Variants in PFKFB2 observed in about 807,000 individuals in gnomAD.
PFKFB2 encodes the protein 6-phosphofructo-2-kinase/fructose-2,6-bisphosphatase 2.
A neutral mutation model predicts 68.0 loss-of-function variants in PFKFB2; 53 were observed. The observed-to-expected ratio is 0.78, with a 90% CI of 0.63 to 0.98. The LOEUF (loss-of-function observed/expected upper bound fraction) is 0.98. PFKFB2 is among the 50% of genes least tolerant of loss of function. The pLI is 0.00. For synonymous variants in PFKFB2, 222 were observed against 227.6 expected (o/e 0.98, Z 0.22); for missense variants, 451 against 642.0 (o/e 0.70, Z 3.22).
At position 207,064,084 on chromosome 1, in the gene PFKFB2, AC is replaced by A. The variant is rs1323985990; in HGVS notation, c.507+257del. The stretch of plus-strand genomic sequence containing the variant: ...AGTAAGAATTAGCTGTTGAATTGAA[AC>A]CAGGGTTTAGGTTGTAGGATTCTTG... On this transcript the variant is annotated intron_variant, in intron 7 of 14. Transcript: ENST00000367080. 3.3e-4 allele frequency among the ~76,000 whole-genome samples: 50 copies of A among 152,230 alleles called. 1 individual carries two copies. The East Asian group carries it at 9.1e-3, about 28-fold the overall frequency.
intron 2 of PFKFB2, chr1:207,044,787 T>C (rs904234608): frequency 3.9e-5 from 6 of 152,506 alleles, no homozygotes; most frequent in African/African-American, 9.7e-5. Context: ...ATCTCTTCTT[T>C]ATCAGTGGTA....
chr1:207,072,490 T>C lies in PFKFB2; in HGVS notation c.*119T>C. On this transcript the variant is annotated 3_prime_UTR_variant, in exon 15 of 15. Transcript: ENST00000367080. ...AACTTCCTCCCTCTATGCCCACCCC[T>C]GACACTTCACCATTAATCTTAACAC... The C allele has an allele frequency of 6.8e-7, 1 of 1,472,922 alleles. No individual in the cohort carries two copies. The allele number at this position is 1,472,922 out of a possible 1,614,324, so 91.2% of individuals were successfully genotyped here.
chr1:207,067,347 C>T, intron 8 of PFKFB2, 152 bp from the exon 9 acceptor site: 1 of 611,184 alleles, frequency 1.6e-6, no homozygotes, highest in African/African-American at 1.8e-5. Flanking sequence ...TAATTAATCT[C>T]CTACCATTTG....
chr1:207,078,637 G>T (rs545138698), downstream of PFKFB2, among the ~76,000 whole-genome samples: 1 of 152,304 alleles, frequency 6.6e-6, no homozygotes, highest in Non-Finnish European at 1.5e-5. Flanking sequence ...TAGCCTACAC[G>T]ATTTCCTTCT....
chr1:207,065,053 C>T lies in PFKFB2; in HGVS notation c.525C>T (p.Ser175=). The change falls in exon 8 of 15, where the codon AGC becomes AGT. Residue 175 remains serine, a synonymous_variant. Coordinates refer to ENST00000367080, the MANE Select transcript of PFKFB2 (RefSeq NM_006212.2). ...AANILEVKVS[S]PDYPERNREN... is the part of the protein sequence containing the mutation. ...GATTTCAGGAGGTTAAGGTATCAAGCCCTGACTATCCTGAAAGGAACAGAG... is the reference window on the plus strand; with the variant it reads ...GATTTCAGGAGGTTAAGGTATCAAGTCCTGACTATCCTGAAAGGAACAGAG... 1.9e-6 allele frequency: 3 copies of T among 1,613,926 alleles called. No individual in the cohort carries two copies. The highest frequency in any genetic ancestry group is 2.5e-6 in the Non-Finnish European group (3 of 1,179,922).
In PFKFB2 at chr1:207,074,136, G is replaced by C; in HGVS notation, c.*1765G>C. 9 of 944,676 alleles carry C rather than the reference G, an allele frequency of 9.5e-6. No individual in the cohort carries two copies. The highest frequency in any genetic ancestry group is 1.8e-5 in the African/African-American group (1 of 56,764). The allele number at this position is 944,676 out of a possible 1,614,324, so 58.5% of individuals were successfully genotyped here. On this transcript the variant is annotated 3_prime_UTR_variant, in exon 15 of 15. Transcript: ENST00000367080. ...CATGCATGTATTTAAGTAGCTTCCCGGATGATTCTGATTCATAGCTCGGGT... is the reference window on the plus strand; with the variant it reads ...CATGCATGTATTTAAGTAGCTTCCCCGATGATTCTGATTCATAGCTCGGGT...
At position 207,035,258 on chromosome 1, in the gene PFKFB2, C is replaced by A. The variant is rs12023977; in HGVS notation, c.-62+786C>A. Reference sequence around the variant, plus strand: ...TTTATGATTTCCTTTCTCAGTACAACCTCCCCACTTAGGCACCTCCCTTCC... The same window carrying A: ...TTTATGATTTCCTTTCTCAGTACAAACTCCCCACTTAGGCACCTCCCTTCC... On this transcript the variant is annotated intron_variant, in intron 1 of 5. Transcript: ENST00000545806. The A allele has an allele frequency of 3.7e-5, 35 of 955,298 alleles. No homozygotes were observed. In the East Asian group the frequency reaches 3.5e-3, roughly 94 times the overall value. The allele number at this position is 955,298 out of a possible 1,614,324, so 59.2% of individuals were successfully genotyped here.
chr1:207,045,588 C>G (rs1005114639), intron 2 of PFKFB2: 1 of 149,734 alleles, frequency 6.7e-6, no homozygotes, highest in African/African-American at 2.5e-5. Context: ...GGAAGGCCAC[C>G]TGATTTGTCA....
At chr1:207,062,851 G>A in intron 4 of PFKFB2, 135 bp downstream of exon 4, 1 of 889,878 alleles carries the variant, frequency 1.1e-6, no homozygotes, top group Non-Finnish European at 1.8e-6. Flanking sequence ...ATGGGCAAGT[G>A]ACCTTGGGCT....
intron 8 of PFKFB2, 87 bp downstream of exon 8, chr1:207,065,247 T>A: frequency 6.4e-7 from 1 of 1,564,664 alleles, no homozygotes; most frequent in South Asian, 1.2e-5. Flanking sequence ...TCTAACTTCC[T>A]TCTGATAATC....
In PFKFB2 at chr1:207,072,858, C is replaced by G; in HGVS notation, c.*487C>G. The G allele has an allele frequency of 1.0e-6, 1 of 989,964 alleles. No individual in the cohort carries two copies. Among genetic ancestry groups the G allele is most frequent in the African/African-American group, 1.7e-5 (1 of 57,398 alleles). 61.3% of individuals were successfully genotyped at this position (989,964 alleles called of 1,614,324 possible). On this transcript the variant is annotated 3_prime_UTR_variant, in exon 15 of 15. Coordinates refer to ENST00000367080, the MANE Select transcript of PFKFB2 (RefSeq NM_006212.2). Reference sequence around the variant, plus strand: ...CACTCCTTACTTGACTGCTTTCTTCCCCCACTTTCATGTCCCCTCTGGATT... The same window carrying G: ...CACTCCTTACTTGACTGCTTTCTTCGCCCACTTTCATGTCCCCTCTGGATT...
At chr1:207,040,608 G>C (rs529351229) in intron 1 of PFKFB2, among the ~76,000 whole-genome samples, 1 of 152,108 alleles carries the variant, frequency 6.6e-6, no homozygotes, top group African/African-American at 2.4e-5. Flanking sequence ...TCTTGTTTTC[G>C]TCTGGTAAAC....
downstream of PFKFB2, chr1:207,078,976 T>C: frequency 1.2e-6 from 2 of 1,612,106 alleles, no homozygotes; most frequent in Non-Finnish European, 1.7e-6. Context: ...ACACTGGCTG[T>C]GCGCAGACGC....
intron 1 of PFKFB2, among the ~76,000 whole-genome samples, chr1:207,036,161 C>CTCAATTTCA (rs1384175178): frequency 5.3e-5 from 8 of 152,132 alleles, no homozygotes; most frequent in Non-Finnish European, 1.2e-4. Flanking sequence ...CTTTGGAGGT[C>CTCAATTTCA]ACATTTCAAC....
chr1:207,049,537 G>A (rs930157982), upstream of PFKFB2: 3 of 1,614,190 alleles, frequency 1.9e-6, no homozygotes, highest in South Asian at 1.1e-5. Flanking sequence ...AGGGGCACAA[G>A]CTGGATTCAA....
upstream of PFKFB2, chr1:207,049,050 C>T: frequency 6.2e-7 from 1 of 1,613,870 alleles, no homozygotes; most frequent in Non-Finnish European, 8.5e-7. Flanking sequence ...TATGGCCTGT[C>T]TCCTTGGCAT....
chr1:207,071,230 A>G lies in PFKFB2; in HGVS notation c.1265A>G (p.Lys422Arg), dbSNP rs146616886. ...AGATGCCCTCTCCATACCATCTTCA[A>G]ACTTACTCCTGTGGCCTATGGTAAC... The part of the protein sequence containing the change: ...YLRCPLHTIF[K>R]LTPVAYGCKV... Residue 422 changes from lysine (K) to arginine (R), a missense_variant, in exon 13 of 15, where the codon AAA becomes AGA. Lys to Arg is a conservative substitution (Grantham distance 26). Transcript: ENST00000367080. 8 of 1,613,614 alleles carry G rather than the reference A, an allele frequency of 5.0e-6. No individual in the cohort carries two copies. The highest frequency in any genetic ancestry group is 1.6e-4 in the Middle Eastern group (1 of 6,084).
intron 8 of PFKFB2, 46 bp downstream of exon 8, chr1:207,065,206 A>G: frequency 6.2e-6 from 10 of 1,602,532 alleles, no homozygotes; most frequent in Non-Finnish European, 7.7e-6. Context: ...CAAAGGTCTC[A>G]TCTGGGAAAA....
Position 207,068,240 on chromosome 1 carries a change from G to T in PFKFB2, c.918G>T (p.Arg306Ser), listed in dbSNP as rs1296821090. 1 of 1,612,706 alleles carries T rather than the reference G, an allele frequency of 6.2e-7. No individual in the cohort carries two copies. Among genetic ancestry groups the T allele is most frequent in the African/African-American group, 1.3e-5 (1 of 74,784 alleles). The change falls in exon 10 of 15, where the codon AGG becomes AGT. Residue 306 changes from arginine to serine, a missense_variant. Transcript: ENST00000367080. ...DLKVWTSQLK[R>S]TIQTAESLGV... ...AAGTGTGGACAAGCCAGTTGAAGAG[G>T]ACCATACAGACTGCTGAATCTCTCG...
Sources: allele counts gnomAD v4.1 joint callset (sites outside exome capture counted in the v4.1 genomes callset), GRCh38; gene constraint gnomAD v4.1.1; transcripts MANE v1.5; gene names NCBI Gene and HGNC (gene_info 2026-07-23, HGNC 2026-07-21).